Variants in CATSPERD observed in about 807,000 individuals in gnomAD.
The protein encoded by CATSPERD is cation channel sperm-associated auxiliary subunit delta.
In CATSPERD, 86 loss-of-function variants were observed where a neutral mutation model predicts 98.1. The observed-to-expected ratio is 0.88, with a 90% CI of 0.74 to 1.05. CATSPERD has a LOEUF of 1.05. Ranked by LOEUF, CATSPERD falls within the 50% of genes least tolerant of loss-of-function variation. The pLI, the probability that CATSPERD is intolerant of heterozygous loss-of-function variation, is 0.00. For synonymous variants in CATSPERD, 394 were observed against 390.2 expected (o/e 1.01, Z -0.12); for missense variants, 995 against 1,005.7 (o/e 0.99, Z 0.14).
intron 15 of CATSPERD, among the ~76,000 whole-genome samples, chr19:5,760,891 C>T (rs533301845): frequency 2.3e-4 from 34 of 149,972 alleles, no homozygotes; most frequent in African/African-American, 7.9e-4. Context: ...CCAGCCTGGG[C>T]AATAGAGCAA....
Position 5,776,220 on chromosome 19 carries a change from G to A in CATSPERD, c.2001G>A (p.Gln667=), listed in dbSNP as rs755860444. 38 of 1,614,062 alleles carry A rather than the reference G, an allele frequency of 2.4e-5. No homozygotes were observed. The highest frequency in any genetic ancestry group is 1.6e-4 in the Middle Eastern group (1 of 6,084). The change falls in exon 21 of 22, where the codon CAG becomes CAA. Residue 667 remains glutamine, a synonymous_variant. Coordinates refer to ENST00000381624, the MANE Select transcript of CATSPERD (RefSeq NM_152784.4). ...CCCCTTTGAGGTGGCCAGACGTCCA[G>A]TATCAGATCTTGGGCGGCCGGACAG... is the stretch of plus-strand genomic sequence containing the variant. ...NNAPLRWPDV[Q]YQILGGRTAN...
rs2056156227 is a variant in CATSPERD at position 5,749,187 on chromosome 19, G to C, written c.987+4G>C. ...CGTGCCAAGTTCCATAATCAAAGTA[G>C]GTAAAAAGAAAGTGGGGTTATGGGC... On this transcript the variant is annotated splice_donor_region_variant and intron_variant, in intron 11 of 21. Transcript: ENST00000381624. 1 of 1,608,616 alleles carries C rather than the reference G, an allele frequency of 6.2e-7. No individual in the cohort carries two copies. The highest frequency in any genetic ancestry group is 8.5e-7 in the Non-Finnish European group (1 of 1,176,716).
intron 11 of CATSPERD, among the ~76,000 whole-genome samples, chr19:5,751,196 TCAAAAAAAAAAAAAAAAAAAAA>T (rs2056208132): frequency 5.5e-5 from 1 of 18,032 alleles, no homozygotes; most frequent in Non-Finnish European, 9.6e-5. Context: ...AGATTCCGTC[TCAAAAAAAAAAAAAAAAAAAAA>T]AAAAAAAAAA....
At chr19:5,722,834 C>A (rs551162625) in intron 1 of CATSPERD, among the ~76,000 whole-genome samples, 1 of 152,120 alleles carries the variant, frequency 6.6e-6, no homozygotes, top group African/African-American at 2.4e-5. Flanking sequence ...CCTTAAGGAG[C>A]CCCGAATACC....
Position 5,739,336 on chromosome 19 carries a change from A to G in CATSPERD, c.470A>G (p.Asn157Ser), listed in dbSNP as rs756290061. ...TGSLFCVHVS[N>S]LVFAYFRGDQ... ...TTTTTTTTTTTATAGCATGTCAGTA[A>G]TTTGGTTTTTGCATATTTCCGTGGA... Residue 157 changes from asparagine to serine, a missense_variant, in exon 7 of 22, where the codon AAT becomes AGT. Transcript: ENST00000381624. 2 of 1,535,886 alleles carry G rather than the reference A, an allele frequency of 1.3e-6. No individual in the cohort carries two copies. Among genetic ancestry groups the G allele is most frequent in the Admixed American group, 1.8e-5 (1 of 55,820 alleles).
chr19:5,752,698 C>G (rs536371280), intron 12 of CATSPERD, among the ~76,000 whole-genome samples: 1 of 152,086 alleles, frequency 6.6e-6, no homozygotes, highest in Non-Finnish European at 1.5e-5. Context: ...AGAAATGCTG[C>G]GGGCCCAACA....
In CATSPERD at chr19:5,739,210, C is replaced by G. The variant is rs576040655; in HGVS notation, c.460-116C>G. ...CAGAAACAGCCCCATCGAACAGTCA[C>G]GTCCAGACATCCAGGTTTTTTTCAG... On this transcript the variant is annotated intron_variant, in intron 6 of 21. Transcript: ENST00000381624. 2.7e-5 allele frequency: 18 copies of G among 663,096 alleles called. No individual in the cohort carries two copies. In the East Asian group the frequency reaches 4.4e-4, roughly 16 times the overall value. 41.1% of individuals were successfully genotyped at this position (663,096 alleles called of 1,614,324 possible).
intron 15 of CATSPERD, among the ~76,000 whole-genome samples, chr19:5,762,058 A>ATATATATATATATTTTTTTTTTTT: frequency 1.9e-4 from 2 of 10,430 alleles, no homozygotes; most frequent in African/African-American, 3.3e-4. Flanking sequence ...ATATATATAT[A>ATATATATATATATTTTTTTTTTTT]TTTTTTTTTT....
At chr19:5,760,532 C>T (rs1255785242) in intron 15 of CATSPERD, among the ~76,000 whole-genome samples, 1 of 151,412 alleles carries the variant, frequency 6.6e-6, no homozygotes, top group East Asian at 1.9e-4. Flanking sequence ...CTAGGAGGAC[C>T]CTAGAGTGGT....
intron 20 of CATSPERD, among the ~76,000 whole-genome samples, chr19:5,775,826 G>A (rs1168919006): frequency 6.6e-6 from 1 of 152,056 alleles, no homozygotes; most frequent in Non-Finnish European, 1.5e-5. Context: ...TTCCTTCTGG[G>A]CGGCAGACGC....
intron 11 of CATSPERD, 100 bp downstream of exon 11, chr19:5,749,283 G>T (rs1461362973): frequency 2.7e-6 from 2 of 732,774 alleles, no homozygotes; most frequent in Non-Finnish European, 4.3e-6. Flanking sequence ...CCTGAGGTCA[G>T]GAGTTCAAGA....
Position 5,724,854 on chromosome 19 carries a change from G to A in CATSPERD, c.118G>A (p.Val40Ile), listed in dbSNP as rs1042354866. 21 of 1,613,794 alleles carry A rather than the reference G, an allele frequency of 1.3e-5. No individual in the cohort carries two copies. Among genetic ancestry groups the A allele is most frequent in the African/African-American group, 8.0e-5 (6 of 74,936 alleles). Residue 40 changes from valine (V) to isoleucine (I), a missense_variant, in exon 2 of 22, where the codon GTT becomes ATT. Physicochemically the swap from Val to Ile is conservative, Grantham distance 29. Coordinates refer to ENST00000381624, the MANE Select transcript of CATSPERD (RefSeq NM_152784.4). ...TGKVFNLIQD[V>I]QGDRLYFHPT... Reference sequence around the variant, plus strand: ...AAAAGTGTTTAATCTGATACAGGACGTTCAAGGGGTATGTGGCTCCATGCT... The same window carrying A: ...AAAAGTGTTTAATCTGATACAGGACATTCAAGGGGTATGTGGCTCCATGCT...
chr19:5,743,612 A>AAAAAAAG (rs910087823), intron 7 of CATSPERD, among the ~76,000 whole-genome samples: 2 of 150,698 alleles, frequency 1.3e-5, no homozygotes, highest in Non-Finnish European at 3.0e-5. Context: ...AAAAGAAAAA[A>AAAAAAAG]AGAAAAAAGA....
rs752654489 is a variant in CATSPERD at position 5,778,580 on chromosome 19, G to C, written c.2301G>C (p.Lys767Asn). The C allele has an allele frequency of 3.7e-6, 6 of 1,613,752 alleles. No individual in the cohort carries two copies. The South Asian group carries it at 6.6e-5, about 18-fold the overall frequency. ...CGACACAGCTGTGTAGGAGATGCAAGACGGTCTGCCAGTTCAGGGCCTCAG... is the reference window on the plus strand; with the variant it reads ...CGACACAGCTGTGTAGGAGATGCAACACGGTCTGCCAGTTCAGGGCCTCAG... ...KCATQLCRRC[K>N]TVCQFRASAT... Residue 767 changes from lysine to asparagine, a missense_variant, in exon 22 of 22, where the codon AAG (lysine) becomes AAC (asparagine). By Grantham distance (94) the Lys-to-Asn change is moderately conservative. Around this residue, in one of 3 missense-constraint regions of CATSPERD, gnomAD observed 762 missense variants for 773.7 expected, o/e 0.98. Coordinates refer to ENST00000381624, the MANE Select transcript of CATSPERD (RefSeq NM_152784.4).
intron 8 of CATSPERD, 98 bp from the exon 9 acceptor site, chr19:5,745,815 C>A: frequency 8.0e-7 from 1 of 1,255,796 alleles, no homozygotes; most frequent in East Asian, 2.5e-5. Context: ...TTTGCTTTCC[C>A]CTGCACCTGC....
Position 5,744,429 on chromosome 19 carries a change from A to G in CATSPERD, c.576A>G (p.Ala192=), listed in dbSNP as rs747837458. 10 of 1,610,660 alleles carry G rather than the reference A, an allele frequency of 6.2e-6. No individual in the cohort carries two copies. Among genetic ancestry groups the G allele is most frequent in the Non-Finnish European group, 7.6e-6 (9 of 1,177,882 alleles). The part of the protein sequence containing the change: ...SFWKYHYDRQ[A]EIIGSLGGIF... ...AGTCTTTTCTGTTTGTTTCATAGGC[A>G]GAAATCATTGGGTCTTTAGGCGGAA... Residue 192 remains alanine (A), a splice_region_variant and synonymous_variant, in exon 8 of 22, where the codon GCA becomes GCG. Coordinates refer to ENST00000381624, the MANE Select transcript of CATSPERD (RefSeq NM_152784.4).
chr19:5,728,570 C>T (rs1465387801), intron 3 of CATSPERD, among the ~76,000 whole-genome samples: 2 of 150,994 alleles, frequency 1.3e-5, no homozygotes, highest in Non-Finnish European at 2.9e-5. Context: ...TCATCAACAG[C>T]TCTTTTATAA....
intron 20 of CATSPERD, among the ~76,000 whole-genome samples, chr19:5,774,949 A>G (rs186873064): frequency 4.8e-4 from 73 of 151,968 alleles, no homozygotes; most frequent in Admixed American, 4.5e-3. Context: ...CCTGGGAGGT[A>G]GACATCGCGG....
intron 17 of CATSPERD, 45 bp from the exon 18 acceptor site, chr19:5,768,123 C>T (rs1446230145): frequency 6.4e-7 from 1 of 1,566,074 alleles, no homozygotes; most frequent in Non-Finnish European, 8.8e-7. Flanking sequence ...TGGTTTGGTT[C>T]TTTGTGAGGT....
Sources: allele counts gnomAD v4.1 joint callset (sites outside exome capture counted in the v4.1 genomes callset), GRCh38; gene constraint gnomAD v4.1.1; regional missense constraint gnomAD v4.1.1; transcripts MANE v1.5; gene names NCBI Gene and HGNC (gene_info 2026-07-23, HGNC 2026-07-21).